The following HSPA4L variants were observed in gnomAD, a reference collection of about 807,000 sequenced individuals.
HSPA4L encodes heat shock 70 kDa protein 4L.
In HSPA4L, 48 loss-of-function variants were observed where a neutral mutation model predicts 100.3. The observed-to-expected ratio is 0.48, with a 90% CI of 0.38 to 0.61. HSPA4L has a LOEUF of 0.61. Among genes scored for constraint, HSPA4L ranks in the 20% least tolerant of loss-of-function variants. HSPA4L has a pLI of 0.00. For missense variants in HSPA4L, 886 were observed against 988.6 expected, an observed-to-expected ratio of 0.90 and a Z score of 1.39; for synonymous variants, 319 against 328.2, an observed-to-expected ratio of 0.97 and a Z score of 0.30.
intron 4 of HSPA4L, among the ~76,000 whole-genome samples, chr4:127,800,252 G>A (rs2148783219): frequency 6.6e-6 from 1 of 152,252 alleles, no homozygotes; most frequent in East Asian, 1.9e-4. Flanking sequence ...GAGGCCAGTA[G>A]TTAACAGACC....
chr4:127,794,096 T>G lies in HSPA4L; in HGVS notation c.127T>G (p.Ser43Ala). 6.2e-7 allele frequency: 1 copy of G among 1,610,482 alleles called. No homozygotes were observed. The highest frequency in any genetic ancestry group is 8.5e-7 in the Non-Finnish European group (1 of 1,177,766). The change falls in exon 2 of 19, where the codon TCA becomes GCA. Residue 43 changes from serine (S) to alanine (A), a missense_variant. Transcript: ENST00000296464. ...GTTTAGGGCCTGTATATCATTGGGA[T>G]CAAGAACTCGAGCCATTGGAAATGC... is the stretch of plus-strand genomic sequence containing the variant. Reference protein sequence around the residue: ...RCTPACISLGSRTRAIGNAAK... With the variant: ...RCTPACISLGARTRAIGNAAK...
At chr4:127,827,682 C>G (rs1457408549) in intron 17 of HSPA4L, among the ~76,000 whole-genome samples, 1 of 151,984 alleles carries the variant, frequency 6.6e-6, no homozygotes, top group East Asian at 1.9e-4. Flanking sequence ...AACCCAGTGA[C>G]CAAATCCATT....
At chr4:127,822,919 T>C in intron 15 of HSPA4L, 25 bp downstream of exon 15, 1 of 1,605,214 alleles carries the variant, frequency 6.2e-7, no homozygotes, top group African/African-American at 1.3e-5. Flanking sequence ...TGTTAATTTT[T>C]TGTGAGGACT....
chr4:127,807,778 T>C (rs1210347272), intron 10 of HSPA4L, among the ~76,000 whole-genome samples: 1 of 152,164 alleles, frequency 6.6e-6, no homozygotes, highest in Admixed American at 6.5e-5. Context: ...TTTAATAGTA[T>C]ACAGTTGTCT....
intron 3 of HSPA4L, among the ~76,000 whole-genome samples, chr4:127,797,535 CT>C (rs1178168052): frequency 2.6e-5 from 4 of 151,924 alleles, no homozygotes; most frequent in African/African-American, 9.7e-5. Context: ...TGTTCAACTC[CT>C]CAAGCATGTT....
At chr4:127,823,841 T>G (rs1336499209) in intron 16 of HSPA4L, among the ~76,000 whole-genome samples, 1 of 152,194 alleles carries the variant, frequency 6.6e-6, no homozygotes, top group African/African-American at 2.4e-5. Flanking sequence ...CATTTCTTTC[T>G]TTGGGGGGGA....
At position 127,818,085 on chromosome 4, in the gene HSPA4L, T is replaced by G. The variant is rs183055563; in HGVS notation, c.1579-240T>G. On this transcript the variant is annotated intron_variant, in intron 12 of 18. Coordinates refer to ENST00000296464, the MANE Select transcript of HSPA4L (RefSeq NM_014278.4). Reference sequence around the variant, plus strand: ...GGCTTGAGAACAATTTTCCACGTATTTTGCAATTACTTAGCCATAGATAAA... The same window carrying G: ...GGCTTGAGAACAATTTTCCACGTATGTTGCAATTACTTAGCCATAGATAAA... Among the ~76,000 whole-genome samples, 145 of 152,218 alleles carry G rather than the reference T, an allele frequency of 9.5e-4. 1 individual carries two copies. Among genetic ancestry groups the G allele is most frequent in the Admixed American group, 9.4e-3 (144 of 15,266 alleles).
chr4:127,833,089 A>G lies in HSPA4L; in HGVS notation c.*215A>G, dbSNP rs182705917. On this transcript the variant is annotated 3_prime_UTR_variant, in exon 19 of 19. Coordinates refer to ENST00000296464, the MANE Select transcript of HSPA4L (RefSeq NM_014278.4). ...GTTAGCCGAATTAGATTTACAAGAC[A>G]ATCTAAGCTTTCCGGATAATTTTAT... 2 of 384,612 alleles carry G rather than the reference A, an allele frequency of 5.2e-6. No individual in the cohort carries two copies. Among genetic ancestry groups the G allele is most frequent in the East Asian group, 7.7e-5 (2 of 25,856 alleles). 23.8% of individuals were successfully genotyped at this position (384,612 alleles called of 1,614,324 possible).
chr4:127,832,575 G>A, intron 18 of HSPA4L, 108 bp from the exon 19 acceptor site: 2 of 982,086 alleles, frequency 2.0e-6, no homozygotes, highest in Non-Finnish European at 3.0e-6. Context: ...AGCAAATTCA[G>A]AAAGGGGGAA....
chr4:127,816,583 C>T (rs1002541332), intron 12 of HSPA4L, among the ~76,000 whole-genome samples: 2 of 151,928 alleles, frequency 1.3e-5, no homozygotes. Context: ...GAATACGAGT[C>T]CTGGTTGGTT....
Position 127,801,972 on chromosome 4 carries a change from G to A in HSPA4L, c.663+54G>A, listed in dbSNP as rs1203029566. 4 of 1,428,092 alleles carry A rather than the reference G, an allele frequency of 2.8e-6. No individual in the cohort carries two copies. The East Asian group carries it at 7.0e-5, about 25-fold the overall frequency. The allele number at this position is 1,428,092 out of a possible 1,614,324, so 88.5% of individuals were successfully genotyped here. On this transcript the variant is annotated intron_variant, in intron 6 of 18. Transcript: ENST00000296464. Reference sequence around the variant, plus strand: ...ACATATGTTAAGAACACAGACTAAAGAACCGTAATAGCTGGGTTCGAATCC... The same window carrying A: ...ACATATGTTAAGAACACAGACTAAAAAACCGTAATAGCTGGGTTCGAATCC...
chr4:127,829,741 TGAGAGTTAAGGGAA>T (rs897879489), intron 17 of HSPA4L, among the ~76,000 whole-genome samples: 32 of 151,690 alleles, frequency 2.1e-4, no homozygotes, highest in African/African-American at 6.5e-4. Context: ...GATATAGAGT[TGAGAGTTAAGGGAA>T]GAGGTTCAGG....
intron 11 of HSPA4L, chr4:127,809,155 A>G: frequency 1.2e-6 from 1 of 856,088 alleles, no homozygotes; most frequent in Non-Finnish European, 2.0e-6. Flanking sequence ...CACATAATTG[A>G]AACAAAATAG....
chr4:127,821,529 A>G (rs1250040456), intron 14 of HSPA4L, among the ~76,000 whole-genome samples: 1 of 152,116 alleles, frequency 6.6e-6, no homozygotes, highest in African/African-American at 2.4e-5. Flanking sequence ...ACATCTATAA[A>G]TACTTTTTAT....
chr4:127,827,273 T>G, intron 16 of HSPA4L, 32 bp from the exon 17 acceptor site: 1 of 1,589,082 alleles, frequency 6.3e-7, no homozygotes, highest in Non-Finnish European at 8.5e-7. Context: ...ACTCAAAAAT[T>G]TTTCTTCTTT....
chr4:127,798,300 T>TAAA (rs1477119822), intron 3 of HSPA4L, among the ~76,000 whole-genome samples: 2 of 152,210 alleles, frequency 1.3e-5, no homozygotes, highest in Non-Finnish European at 2.9e-5. Flanking sequence ...AAATGAATTA[T>TAAA]AAAAATTGTT....
chr4:127,832,679 T>G lies in HSPA4L; in HGVS notation c.2329-4T>G. ...TAATATAATCAATTTCTTCATGTCT[T>G]TAGGAACTGGATAATTTCTGTAACC... is the stretch of plus-strand genomic sequence containing the variant. On this transcript the variant is annotated splice_polypyrimidine_tract_variant and splice_region_variant and intron_variant, in intron 18 of 18. Transcript: ENST00000296464. The G allele has an allele frequency of 6.3e-7, 1 of 1,593,366 alleles. No individual in the cohort carries two copies. The highest frequency in any genetic ancestry group is 8.5e-7 in the Non-Finnish European group (1 of 1,170,410).
intron 12 of HSPA4L, among the ~76,000 whole-genome samples, chr4:127,815,100 GC>G (rs1204126274): frequency 6.6e-6 from 1 of 151,760 alleles, no homozygotes; most frequent in Non-Finnish European, 1.5e-5. Context: ...AGATAAAGAG[GC>G]CCAGACATAA....
intron 1 of HSPA4L, among the ~76,000 whole-genome samples, chr4:127,791,424 C>T (rs1001001887): frequency 1.3e-5 from 2 of 152,196 alleles, no homozygotes; most frequent in Non-Finnish European, 2.9e-5. Flanking sequence ...AAAAGAGTCC[C>T]TGCATTCAAA....
Sources: gnomAD v4.1 joint callset for allele counts (sites outside exome capture counted in the v4.1 genomes callset) on GRCh38, gnomAD v4.1.1 for gene constraint, MANE v1.5 for transcripts, NCBI Gene and HGNC (gene_info 2026-07-23, HGNC 2026-07-21) for gene names.